Variants in PHF24 observed in about 807,000 individuals in gnomAD.
PHF24 encodes the protein Galpha inhibitory interacting protein.
PHF24 carries 25 observed loss-of-function variants against 42.6 expected under a neutral mutation model. The ratio of observed to expected loss-of-function variants is 0.59; its 90% CI spans 0.43 to 0.82. The LOEUF is 0.82. Among genes scored for constraint, PHF24 ranks in the 40% least tolerant of loss-of-function variants. PHF24 has a pLI of 0.00. For synonymous variants in PHF24, 185 were observed against 204.8 expected (o/e 0.90, Z 0.83); for missense variants, 470 against 538.1 (o/e 0.87, Z 1.25).
At chr9:34,684,895 C>G in the PHF24 span, among the ~76,000 whole-genome samples, 1 of 152,118 alleles carries the variant, frequency 6.6e-6, no homozygotes, top group East Asian at 1.9e-4. Flanking sequence ...TCTTCTGCAT[C>G]CCCCTGGAGC....
the PHF24 span, among the ~76,000 whole-genome samples, chr9:34,713,634 T>C: frequency 8.5e-5 from 12 of 141,462 alleles, no homozygotes; most frequent in Non-Finnish European, 1.4e-4. Context: ...TGCCATTTTG[T>C]ATGATGTTTT....
intron 3 of PHF24, among the ~76,000 whole-genome samples, chr9:34,972,857 C>G (rs6476473): frequency 6.7e-6 from 1 of 149,720 alleles, no homozygotes; most frequent in South Asian, 2.1e-4. Flanking sequence ...GAGGTTGCAG[C>G]GAGCCGAAAT....
chr9:34,682,074 G>A, the PHF24 span, among the ~76,000 whole-genome samples: 1 of 55,658 alleles, frequency 1.8e-5, no homozygotes, highest in Non-Finnish European at 4.2e-5. Context: ...TCCCAGGCTC[G>A]AGAGTTCCTC....
the PHF24 span, chr9:34,723,025 C>T: frequency 1.5e-6 from 1 of 679,522 alleles, no homozygotes; most frequent in South Asian, 2.2e-5. Context: ...CACAATACAG[C>T]AGAGACAAGG....
chr9:34,857,052 A>G, the PHF24 span, among the ~76,000 whole-genome samples: 509 of 152,220 alleles, frequency 3.3e-3, 1 homozygote, highest in South Asian at 0.018. Context: ...CAGGTATAGC[A>G]GTTGTGTTGC....
the PHF24 span, among the ~76,000 whole-genome samples, chr9:34,801,990 A>C: frequency 5.7e-4 from 87 of 152,248 alleles, no homozygotes; most frequent in Non-Finnish European, 9.7e-4. Context: ...ATGGGTTGAT[A>C]GGTGCAGCAA....
chr9:34,923,524 G>A, the PHF24 span, among the ~76,000 whole-genome samples: 3 of 152,246 alleles, frequency 2.0e-5, no homozygotes, highest in African/African-American at 7.2e-5. Flanking sequence ...GCCTACTCAG[G>A]TTTTGGGTTT....
the PHF24 span, among the ~76,000 whole-genome samples, chr9:34,733,989 C>T: frequency 6.6e-6 from 1 of 152,132 alleles, no homozygotes; most frequent in Non-Finnish European, 1.5e-5. Flanking sequence ...TAGGGTTTCT[C>T]GGGCTTCTGG....
the PHF24 span, among the ~76,000 whole-genome samples, chr9:34,711,590 T>C: frequency 1.3e-5 from 2 of 151,124 alleles, no homozygotes; most frequent in Non-Finnish European, 2.9e-5. Flanking sequence ...TCGCCCAGGC[T>C]GGAGTGCAGT....
the PHF24 span, among the ~76,000 whole-genome samples, chr9:34,899,010 A>G: frequency 6.6e-6 from 1 of 152,182 alleles, no homozygotes; most frequent in Non-Finnish European, 1.5e-5. Flanking sequence ...GGCCTTTAGC[A>G]TAGGTTTATT....
chr9:34,754,204 AAAGTG>A, the PHF24 span, among the ~76,000 whole-genome samples: 1 of 152,174 alleles, frequency 6.6e-6, no homozygotes, highest in African/African-American at 2.4e-5. Context: ...AACAATCAAC[AAAGTG>A]AAGAGACAAC....
the PHF24 span, among the ~76,000 whole-genome samples, chr9:34,702,686 T>G: frequency 1.6e-4 from 25 of 152,314 alleles, no homozygotes; most frequent in South Asian, 1.7e-3. Context: ...GGCTCTTGCC[T>G]GTAATCCCAG....
chr9:34,921,177 GT>G, the PHF24 span, among the ~76,000 whole-genome samples: 26 of 147,570 alleles, frequency 1.8e-4, no homozygotes, highest in African/African-American at 4.0e-4. Flanking sequence ...ATACCCAGTT[GT>G]TTTTTTTTTC....
upstream of PHF24, among the ~76,000 whole-genome samples, chr9:34,955,348 A>C (rs938768064): frequency 2.6e-5 from 4 of 152,150 alleles, no homozygotes; most frequent in African/African-American, 9.7e-5. Context: ...AAAGTTGAAA[A>C]CAGTCCCTAC....
chr9:34,969,844 T>G (rs1305901511), intron 1 of PHF24, among the ~76,000 whole-genome samples: 10 of 152,172 alleles, frequency 6.6e-5, no homozygotes, highest in Admixed American at 6.5e-4. Flanking sequence ...ACCTTCGAAC[T>G]GGCCTTACTT....
chr9:34,846,961 C>G, the PHF24 span, among the ~76,000 whole-genome samples: 1 of 152,112 alleles, frequency 6.6e-6, no homozygotes, highest in Non-Finnish European at 1.5e-5. Flanking sequence ...TGATCTATAT[C>G]TCTGTTTTGG....
chr9:34,792,274 G>A, the PHF24 span, among the ~76,000 whole-genome samples: 1 of 152,288 alleles, frequency 6.6e-6, no homozygotes, highest in East Asian at 1.9e-4. Context: ...TGATGAAAGT[G>A]TGGTTATGTT....
At chr9:34,871,895 G>A in the PHF24 span, among the ~76,000 whole-genome samples, 1 of 152,112 alleles carries the variant, frequency 6.6e-6, no homozygotes, top group Non-Finnish European at 1.5e-5. Flanking sequence ...AACTTTAGAA[G>A]CAATTTGTCA....
the PHF24 span, among the ~76,000 whole-genome samples, chr9:34,857,140 C>T: frequency 6.6e-6 from 1 of 152,218 alleles, no homozygotes; most frequent in African/African-American, 2.4e-5. Flanking sequence ...GGCGGCCACT[C>T]TTCCCCCTAG....
Sources: allele counts gnomAD v4.1 joint callset (sites outside exome capture counted in the v4.1 genomes callset), GRCh38; gene constraint gnomAD v4.1.1; transcripts MANE v1.5; gene names NCBI Gene and HGNC (gene_info 2026-07-23, HGNC 2026-07-21).